The following HCN1 variants were observed in gnomAD, a reference collection of about 807,000 sequenced individuals.
The protein encoded by HCN1 is potassium/sodium hyperpolarization-activated cyclic nucleotide-gated channel 1.
Under a neutral mutation model 78.9 loss-of-function variants are expected in HCN1, and 13 were observed. The observed-to-expected ratio is 0.16, with a 90% confidence interval of 0.11 to 0.26. HCN1 has a LOEUF of 0.26. Ranked by LOEUF, HCN1 falls within the 10% of genes least tolerant of loss-of-function variation. HCN1 has a pLI of 1.00. For synonymous variants in HCN1, 552 were observed against 455.5 expected (o/e 1.21, Z -2.70); for missense variants, 810 against 1,154.3 (o/e 0.70, Z 4.32).
intron 6 of HCN1, among the ~76,000 whole-genome samples, chr5:45,278,968 A>G (rs1431229803): frequency 6.6e-6 from 1 of 152,144 alleles, no homozygotes; most frequent in African/African-American, 2.4e-5. Context: ...TATGGCTTAC[A>G]AAGCCTAAAT....
intron 3 of HCN1, among the ~76,000 whole-genome samples, chr5:45,444,572 C>T (rs1740747439): frequency 6.6e-6 from 1 of 151,936 alleles, no homozygotes; most frequent in South Asian, 2.1e-4. Context: ...TTGTACTTGT[C>T]CTTATCCTTG....
chr5:45,521,959 T>G (rs1742621864), intron 2 of HCN1, among the ~76,000 whole-genome samples: 1 of 152,036 alleles, frequency 6.6e-6, no homozygotes, highest in African/African-American at 2.4e-5. Context: ...TATTCTAGAG[T>G]CTTACTTGTT....
chr5:45,330,062 C>A (rs914986448), intron 5 of HCN1, among the ~76,000 whole-genome samples: 1 of 151,150 alleles, frequency 6.6e-6, no homozygotes, highest in African/African-American at 2.4e-5. Flanking sequence ...AGAGTGTGTC[C>A]ATGTGCCCCT....
chr5:45,676,612 A>G (rs1270823635), intron 1 of HCN1, among the ~76,000 whole-genome samples: 2 of 151,746 alleles, frequency 1.3e-5, no homozygotes, highest in Admixed American at 6.6e-5. Flanking sequence ...GGAATCTGAA[A>G]TAAAATACAG....
In HCN1 at chr5:45,494,958, T is replaced by C. The variant is rs1579929805; in HGVS notation, c.850-32951A>G. Reference sequence around the variant, plus strand: ...GGCTCTGTTCTGTTCCATTGATCTATATCTCTGTTTTGGTACCAGTACCAT... The same window carrying C: ...GGCTCTGTTCTGTTCCATTGATCTACATCTCTGTTTTGGTACCAGTACCAT... On this transcript the variant is annotated intron_variant, in intron 2 of 7. Transcript: ENST00000303230. Among the ~76,000 whole-genome samples, 3 of 147,176 alleles carry C rather than the reference T, an allele frequency of 2.0e-5. No homozygotes were observed. The South Asian group carries it at 6.7e-4, about 33-fold the overall frequency.
At chr5:45,552,993 C>T (rs1056925994) in intron 2 of HCN1, among the ~76,000 whole-genome samples, 8 of 151,772 alleles carry the variant, frequency 5.3e-5, no homozygotes, top group Non-Finnish European at 1.2e-4. Flanking sequence ...TCAAAATATG[C>T]CATTTTGATA....
At chr5:45,587,097 G>C (rs1363258651) in intron 2 of HCN1, among the ~76,000 whole-genome samples, 1 of 152,196 alleles carries the variant, frequency 6.6e-6, no homozygotes, top group Admixed American at 6.5e-5. Flanking sequence ...TTACACTGTT[G>C]GTGGGACCGT....
chr5:45,381,743 C>G (rs376869454), intron 4 of HCN1, among the ~76,000 whole-genome samples: 15 of 152,238 alleles, frequency 9.9e-5, no homozygotes, highest in East Asian at 3.9e-4. Context: ...ATCTCTCAAG[C>G]CCAGACCATC....
chr5:45,291,498 A>C (rs1745374791), intron 6 of HCN1, among the ~76,000 whole-genome samples: 1 of 152,018 alleles, frequency 6.6e-6, no homozygotes, highest in South Asian at 2.1e-4. Flanking sequence ...CCCCATGCTG[A>C]TAACGTTTCT....
chr5:45,326,022 T>A (rs922401761), intron 5 of HCN1, among the ~76,000 whole-genome samples: 2 of 151,658 alleles, frequency 1.3e-5, no homozygotes, highest in African/African-American at 4.8e-5. Context: ...ATAAGATGCC[T>A]TAATTTAAGT....
chr5:45,604,452 G>C (rs1744686825), intron 2 of HCN1, among the ~76,000 whole-genome samples: 2 of 151,736 alleles, frequency 1.3e-5, no homozygotes, highest in Admixed American at 6.6e-5. Flanking sequence ...ACACTAAAAA[G>C]GTCTTACTAA....
At chr5:45,326,227 C>T (rs564681130) in intron 5 of HCN1, among the ~76,000 whole-genome samples, 2 of 151,758 alleles carry the variant, frequency 1.3e-5, no homozygotes, top group South Asian at 4.1e-4. Context: ...TACATACCCA[C>T]ATAAATTTTT....
At chr5:45,599,663 CTTAG>C (rs1252353577) in intron 2 of HCN1, among the ~76,000 whole-genome samples, 1 of 152,002 alleles carries the variant, frequency 6.6e-6, no homozygotes, top group East Asian at 1.9e-4. Context: ...TCTGATACTT[CTTAG>C]TTAGAAAAAT....
At chr5:45,611,492 G>T (rs887430064) in intron 2 of HCN1, among the ~76,000 whole-genome samples, 90 of 151,790 alleles carry the variant, frequency 5.9e-4, no homozygotes, top group African/African-American at 2.1e-3. Flanking sequence ...GGCTGGTCTT[G>T]AACTCCTGAG....
intron 2 of HCN1, among the ~76,000 whole-genome samples, chr5:45,602,821 T>A (rs1255388576): frequency 6.6e-6 from 1 of 152,042 alleles, no homozygotes; most frequent in Non-Finnish European, 1.5e-5. Flanking sequence ...TGGCAAAAAA[T>A]TTAGGTTCTT....
chr5:45,375,132 T>C lies in HCN1; in HGVS notation c.1230+21360A>G, dbSNP rs1353278426. Among the ~76,000 whole-genome samples, 12 of 121,948 alleles carry C rather than the reference T, an allele frequency of 9.8e-5. No individual in the cohort carries two copies. The East Asian group carries it at 1.7e-3, about 17-fold the overall frequency. 80.0% of individuals were successfully genotyped at this position (121,948 alleles called of 152,430 possible). A position where few individuals can be genotyped will look rare whatever the true frequency, so the allele number is the denominator to read the frequency against. On this transcript the variant is annotated intron_variant, in intron 4 of 7. Coordinates refer to ENST00000303230, the MANE Select transcript of HCN1 (RefSeq NM_021072.4). ...AATATATAATATATTATATATAATATATTTTATAATATATAATGTATTATA... is the reference window on the plus strand; with the variant it reads ...AATATATAATATATTATATATAATACATTTTATAATATATAATGTATTATA...
At chr5:45,428,328 T>C (rs989390289) in intron 3 of HCN1, among the ~76,000 whole-genome samples, 1 of 152,066 alleles carries the variant, frequency 6.6e-6, no homozygotes, top group Non-Finnish European at 1.5e-5. Flanking sequence ...CCTGTTAATG[T>C]TAATGAGTTT....
At chr5:45,612,579 T>C (rs773223104) in intron 2 of HCN1, among the ~76,000 whole-genome samples, 2 of 152,160 alleles carry the variant, frequency 1.3e-5, no homozygotes, top group Non-Finnish European at 2.9e-5. Flanking sequence ...TGTTCGTAAT[T>C]TGGATTCCAT....
chr5:45,353,070 A>G, intron 5 of HCN1, 30 bp downstream of exon 5: 1 of 1,552,528 alleles, frequency 6.4e-7, no homozygotes, highest in Non-Finnish European at 8.9e-7. Flanking sequence ...ATGATTATGT[A>G]TTATGCATAC....
Sources: allele counts gnomAD v4.1 joint callset (sites outside exome capture counted in the v4.1 genomes callset), GRCh38; gene constraint gnomAD v4.1.1; transcripts MANE v1.5; gene names NCBI Gene and HGNC (gene_info 2026-07-23, HGNC 2026-07-21).